The following SHISA9 variants were observed in gnomAD, a reference collection of about 807,000 sequenced individuals.
The protein encoded by SHISA9 is shisa family member 9, also known as protein shisa-9.
In SHISA9, 13 loss-of-function variants were observed where a neutral mutation model predicts 38.0. The ratio of observed to expected loss-of-function variants is 0.34; its 90% CI spans 0.22 to 0.54. The LOEUF (loss-of-function observed/expected upper bound fraction) is 0.54. Among genes scored for constraint, SHISA9 ranks in the 20% least tolerant of loss-of-function variants. The pLI is 0.91. For missense variants in SHISA9, 538 were observed against 575.8 expected (o/e 0.93, Z 0.67); for synonymous variants, 275 against 242.0 (o/e 1.14, Z -1.27).
chr16:12,918,671 A>T (rs1408255813), intron 2 of SHISA9, among the ~76,000 whole-genome samples: 2 of 152,130 alleles, frequency 1.3e-5, no homozygotes, highest in African/African-American at 2.4e-5. Flanking sequence ...TTTGGTCTAT[A>T]TTTGTGCCTA....
intron 2 of SHISA9, among the ~76,000 whole-genome samples, chr16:12,990,754 G>T (rs567286467): frequency 2.6e-5 from 4 of 152,270 alleles, no homozygotes; most frequent in South Asian, 4.2e-4. Flanking sequence ...CCACAACAAA[G>T]AATTAATTGT....
chr16:13,512,175 A>G, the SHISA9 span, among the ~76,000 whole-genome samples: 1,200 of 152,290 alleles, frequency 7.9e-3, 18 homozygotes, highest in African/African-American at 0.028. Context: ...TTATAGAAAT[A>G]CAAAATTATC....
chr16:13,204,396 C>G (rs2051043560), intron 3 of SHISA9, among the ~76,000 whole-genome samples: 1 of 152,104 alleles, frequency 6.6e-6, no homozygotes, highest in South Asian at 2.1e-4. Context: ...AGGGCTATTT[C>G]CTGGGGAGAA....
chr16:12,905,203 T>C (rs1381498154), intron 1 of SHISA9, among the ~76,000 whole-genome samples: 1 of 152,202 alleles, frequency 6.6e-6, no homozygotes, highest in Non-Finnish European at 1.5e-5. Flanking sequence ...AGGTACTATT[T>C]TAATATTCAC....
At chr16:13,466,577 GTTT>G in the SHISA9 span, among the ~76,000 whole-genome samples, 5 of 151,956 alleles carry the variant, frequency 3.3e-5, no homozygotes, top group Non-Finnish European at 7.4e-5. Context: ...TGTTGTTGTT[GTTT>G]TTTTAAAAAA....
At chr16:13,312,243 G>A in the SHISA9 span, among the ~76,000 whole-genome samples, 1 of 152,222 alleles carries the variant, frequency 6.6e-6, no homozygotes, top group African/African-American at 2.4e-5. Flanking sequence ...GCAAATGGGT[G>A]TGGTCTTGTT....
chr16:13,380,898 G>A, the SHISA9 span, among the ~76,000 whole-genome samples: 13 of 130,826 alleles, frequency 9.9e-5, no homozygotes, highest in South Asian at 2.6e-4. Context: ...TTCAACTCCC[G>A]CATGAGTGAG....
At chr16:13,130,039 A>G (rs1276505092) in intron 2 of SHISA9, among the ~76,000 whole-genome samples, 1 of 152,070 alleles carries the variant, frequency 6.6e-6, no homozygotes, top group Non-Finnish European at 1.5e-5. Context: ...TGACCCTCAC[A>G]ATTTTCAAAG....
chr16:13,029,557 G>A (rs554389571), intron 2 of SHISA9, among the ~76,000 whole-genome samples: 64 of 152,336 alleles, frequency 4.2e-4, no homozygotes, highest in Admixed American at 6.5e-4. Context: ...GCAGTGAGCC[G>A]AGATTGTGCC....
the SHISA9 span, among the ~76,000 whole-genome samples, chr16:13,376,369 C>T: frequency 6.6e-6 from 1 of 152,302 alleles, no homozygotes; most frequent in East Asian, 1.9e-4. Flanking sequence ...CTGGAAGAAT[C>T]TTCAGAAAGT....
rs146970297 is a variant in SHISA9, at chr16:12,931,923, C to G, written c.691+15108C>G. On this transcript the variant is annotated intron_variant, in intron 2 of 4. Coordinates refer to ENST00000558583, the MANE Select transcript of SHISA9 (RefSeq NM_001145204.3). Reference sequence around the variant, plus strand: ...TCTTGAATTGTGCTTCCCATAATTCCTACATGTCATGGGAGAGACCTGGTG... The same window carrying G: ...TCTTGAATTGTGCTTCCCATAATTCGTACATGTCATGGGAGAGACCTGGTG... 2.0e-5 allele frequency among the ~76,000 whole-genome samples: 3 copies of G among 152,290 alleles called. No individual in the cohort carries two copies. The East Asian group carries it at 5.8e-4, about 29-fold the overall frequency.
chr16:13,005,824 C>A (rs779787315), intron 2 of SHISA9, among the ~76,000 whole-genome samples: 2 of 152,220 alleles, frequency 1.3e-5, no homozygotes, highest in South Asian at 4.1e-4. Flanking sequence ...ACAACAGACA[C>A]TTTGCTCCTT....
the SHISA9 span, among the ~76,000 whole-genome samples, chr16:13,429,884 C>T: frequency 6.6e-6 from 1 of 152,122 alleles, no homozygotes; most frequent in African/African-American, 2.4e-5. Flanking sequence ...TTGTGTCTCC[C>T]CCAAATGTAT....
the SHISA9 span, among the ~76,000 whole-genome samples, chr16:13,445,387 G>A: frequency 1.3e-5 from 2 of 152,124 alleles, no homozygotes; most frequent in Non-Finnish European, 2.9e-5. Flanking sequence ...GATAAAGGTT[G>A]TGTCCTTTTC....
intron 2 of SHISA9, among the ~76,000 whole-genome samples, chr16:12,948,511 A>G (rs1406168104): frequency 2.0e-5 from 3 of 152,346 alleles, no homozygotes; most frequent in Middle Eastern, 3.4e-3. Flanking sequence ...CTCACACACA[A>G]AAGAAGTTTA....
At chr16:13,245,769 T>A in the SHISA9 span, among the ~76,000 whole-genome samples, 3 of 152,174 alleles carry the variant, frequency 2.0e-5, no homozygotes, top group Non-Finnish European at 4.4e-5. Flanking sequence ...GTATTAAATG[T>A]CCTCACTTCT....
intron 2 of SHISA9, among the ~76,000 whole-genome samples, chr16:12,953,528 A>G (rs575271620): frequency 6.6e-6 from 1 of 152,192 alleles, no homozygotes. Flanking sequence ...TGAATATTTG[A>G]TTCATTGATT....
the SHISA9 span, among the ~76,000 whole-genome samples, chr16:13,461,632 T>C: frequency 6.8e-6 from 1 of 147,002 alleles, no homozygotes; most frequent in Non-Finnish European, 1.5e-5. Context: ...AATTTTTTTT[T>C]TTTTTTTGAG....
chr16:13,083,036 T>G (rs2073670622), intron 2 of SHISA9, among the ~76,000 whole-genome samples: 1 of 152,212 alleles, frequency 6.6e-6, no homozygotes, highest in African/African-American at 2.4e-5. Context: ...TGTGTGTTTG[T>G]GCACCCAGCT....
Sources: gnomAD v4.1 joint callset for allele counts (sites outside exome capture counted in the v4.1 genomes callset) on GRCh38, gnomAD v4.1.1 for gene constraint, MANE v1.5 for transcripts, NCBI Gene and HGNC (gene_info 2026-07-23, HGNC 2026-07-21) for gene names.